Variants in REL observed in about 807,000 individuals in gnomAD.
REL encodes the protein proto-oncogene c-Rel.
In REL, 15 loss-of-function variants were observed where a neutral mutation model predicts 45.9. The observed-to-expected ratio is 0.33, with a 90% confidence interval of 0.22 to 0.50. REL has a LOEUF of 0.50. Among genes scored for constraint, REL ranks in the 20% least tolerant of loss-of-function variants. The pLI is 0.98. For missense variants in REL, 601 were observed against 715.2 expected (o/e 0.84, Z 1.82); for synonymous variants, 239 against 242.1 (o/e 0.99, Z 0.12).
Position 60,881,723 on chromosome 2 carries a change from G to T in REL, c.-118G>T. ...GGAAGAAGGAGGAGGCCTCTAGGGT[G>T]GTCGGGGGACTGGGGGCCCCGCCGG... On this transcript the variant is annotated 5_prime_UTR_variant, in exon 1 of 10. Coordinates refer to ENST00000394479, the MANE Select transcript of REL (RefSeq NM_001291746.2). 1.3e-6 allele frequency: 1 copy of T among 797,186 alleles called. No individual in the cohort carries two copies. The highest frequency in any genetic ancestry group is 2.0e-6 in the Non-Finnish European group (1 of 494,772). 49.4% of individuals were successfully genotyped at this position (797,186 alleles called of 1,614,324 possible). A position where few individuals can be genotyped will look rare whatever the true frequency, so the allele number is the denominator to read the frequency against.
At chr2:60,891,925 C>T in intron 2 of REL, 100 bp downstream of exon 2, 1 of 1,161,994 alleles carries the variant, frequency 8.6e-7, no homozygotes, top group Non-Finnish European at 1.2e-6. Context: ...GTCATCTCCA[C>T]AGGTTTATCT....
intron 3 of REL, chr2:60,900,387 C>T (rs1673460776): frequency 6.6e-6 from 1 of 152,268 alleles, no homozygotes; most frequent in African/African-American, 2.4e-5. Flanking sequence ...CAAATTTTAC[C>T]ATTTAATATT....
chr2:60,904,135 A>T (rs1269055682), intron 4 of REL, among the ~76,000 whole-genome samples: 1 of 151,538 alleles, frequency 6.6e-6, no homozygotes, highest in Non-Finnish European at 1.5e-5. Context: ...AGAAAAGTGA[A>T]CTCAGGCTTG....
chr2:60,908,973 GTT>G (rs1398940942), intron 4 of REL, among the ~76,000 whole-genome samples: 1 of 152,112 alleles, frequency 6.6e-6, no homozygotes, highest in Non-Finnish European at 1.5e-5. Flanking sequence ...AAAACTTAAA[GTT>G]TGAAAAAATG....
At chr2:60,902,808 C>T (rs1427874708) in intron 4 of REL, among the ~76,000 whole-genome samples, 1 of 151,966 alleles carries the variant, frequency 6.6e-6, no homozygotes, top group Non-Finnish European at 1.5e-5. Flanking sequence ...AGGCTGGTCT[C>T]AAAACTCCTG....
At chr2:60,881,951 C>A (rs996680258) in intron 1 of REL, 101 bp downstream of exon 1, 16 of 758,006 alleles carry the variant, frequency 2.1e-5, no homozygotes, top group Non-Finnish European at 2.9e-5. Context: ...TGCTGGGGCG[C>A]GTTCTGTCTT....
At chr2:60,892,838 T>A (rs1399636789) in intron 2 of REL, among the ~76,000 whole-genome samples, 1 of 151,864 alleles carries the variant, frequency 6.6e-6, no homozygotes, top group Non-Finnish European at 1.5e-5. Context: ...CACTGCAAGC[T>A]CCACCTCCCA....
At chr2:60,902,519 A>G (rs1353065611) in intron 4 of REL, among the ~76,000 whole-genome samples, 1 of 137,306 alleles carries the variant, frequency 7.3e-6, no homozygotes, top group Non-Finnish European at 1.6e-5. Flanking sequence ...TTCCATGTCA[A>G]TACTTACAAA....
At chr2:60,896,657 T>C (rs1281645712) in intron 3 of REL, among the ~76,000 whole-genome samples, 3 of 152,202 alleles carry the variant, frequency 2.0e-5, no homozygotes, top group Non-Finnish European at 4.4e-5. Flanking sequence ...TTGGCAAATA[T>C]TTGTCTATAT....
chr2:60,895,239 A>G (rs1010732004), intron 3 of REL, among the ~76,000 whole-genome samples: 3 of 151,522 alleles, frequency 2.0e-5, no homozygotes, highest in Admixed American at 6.6e-5. Flanking sequence ...GCTGGAGTGC[A>G]GTGGCATGAT....
Position 60,921,788 on chromosome 2 carries a change from A to C in REL, c.1017A>C (p.Ala339=). Residue 339 remains alanine, a synonymous_variant, in exon 10 of 10, where the codon GCA becomes GCC. Transcript: ENST00000394479. ...AACCAAACTTGTTTTCTCATGATGC[A>C]GTTGTGAGAGAAATGCCTACAGGGG... is the stretch of plus-strand genomic sequence containing the variant. The part of the protein sequence containing the change: ...KKEPNLFSHD[A]VVREMPTGVS... 1 of 1,612,364 alleles carries C rather than the reference A, an allele frequency of 6.2e-7. No homozygotes were observed. The highest frequency in any genetic ancestry group is 8.5e-7 in the Non-Finnish European group (1 of 1,178,598).
At chr2:60,894,366 G>T in intron 2 of REL, 31 bp from the exon 3 acceptor site, 1 of 1,350,174 alleles carries the variant, frequency 7.4e-7, no homozygotes, top group South Asian at 1.5e-5. Flanking sequence ...AGTCTATTTG[G>T]ATCATGTATT....
chr2:60,903,417 G>A (rs1365006868), intron 4 of REL, among the ~76,000 whole-genome samples: 1 of 151,886 alleles, frequency 6.6e-6, no homozygotes, highest in Admixed American at 6.6e-5. Context: ...TGAGATGCCC[G>A]GGCTGGAGTG....
At chr2:60,904,961 T>C (rs909194135) in intron 4 of REL, among the ~76,000 whole-genome samples, 2 of 152,138 alleles carry the variant, frequency 1.3e-5, no homozygotes, top group Non-Finnish European at 2.9e-5. Context: ...GATTTGAACA[T>C]AGGGAGCCCC....
At position 60,922,774 on chromosome 2, in the gene REL, G is replaced by A. The variant is rs1379220921; in HGVS notation, c.*239G>A. The A allele has an allele frequency of 2.7e-6, 3 of 1,104,790 alleles. No individual in the cohort carries two copies. In the African/African-American group the frequency reaches 5.0e-5, roughly 18 times the overall value. The allele number at this position is 1,104,790 out of a possible 1,614,324, so 68.4% of individuals were successfully genotyped here. The stretch of plus-strand genomic sequence containing the variant: ...AAGACAACTCAGAGGCCAGGCGCAG[G>A]GGCTCACACCTGTAATCCTAGCACT... On this transcript the variant is annotated 3_prime_UTR_variant, in exon 10 of 10. Coordinates refer to ENST00000394479, the MANE Select transcript of REL (RefSeq NM_001291746.2).
At chr2:60,883,582 C>T (rs972596878) in intron 1 of REL, among the ~76,000 whole-genome samples, 1 of 152,180 alleles carries the variant, frequency 6.6e-6, no homozygotes, top group Admixed American at 6.5e-5. Flanking sequence ...TAAGTAAGTT[C>T]AGGCTCTTGG....
At position 60,926,605 on chromosome 2, in the gene REL, C is replaced by G. The variant is rs1674274520; in HGVS notation, c.*4070C>G. The G allele has an allele frequency of 4.3e-6, 1 of 230,914 alleles. No homozygotes were observed. Among genetic ancestry groups the G allele is most frequent in the African/African-American group, 2.2e-5 (1 of 45,172 alleles). The allele number at this position is 230,914 out of a possible 1,614,324, so 14.3% of individuals were successfully genotyped here. ...TTCCCCCTACCCGCCCTCCGATGAT[C>G]TTATCAGAGCCCACAGGTTCAGTTT... On this transcript the variant is annotated 3_prime_UTR_variant, in exon 10 of 10. Coordinates refer to ENST00000394479, the MANE Select transcript of REL (RefSeq NM_001291746.2).
At chr2:60,915,461 T>C (rs1024667539) in intron 4 of REL, among the ~76,000 whole-genome samples, 3 of 152,236 alleles carry the variant, frequency 2.0e-5, no homozygotes, top group African/African-American at 7.2e-5. Flanking sequence ...GATGTGTTTT[T>C]ATGCACTGTT....
chr2:60,905,022 A>G (rs947511667), intron 4 of REL, among the ~76,000 whole-genome samples: 3 of 152,154 alleles, frequency 2.0e-5, no homozygotes, highest in Non-Finnish European at 4.4e-5. Context: ...CTGGATGAAT[A>G]TTGATTTGGG....
Sources: gnomAD v4.1 joint callset for allele counts (sites outside exome capture counted in the v4.1 genomes callset) on GRCh38, gnomAD v4.1.1 for gene constraint, MANE v1.5 for transcripts, NCBI Gene and HGNC (gene_info 2026-07-23, HGNC 2026-07-21) for gene names.